The following SAMD12 variants were observed in gnomAD, a reference collection of about 807,000 sequenced individuals.
The protein encoded by SAMD12 is sterile alpha motif domain containing 12, also known as sterile alpha motif domain-containing protein 12.
Under a neutral mutation model 15.0 loss-of-function variants are expected in SAMD12, and 9 were observed. The ratio of observed to expected loss-of-function variants is 0.60; its 90% CI spans 0.36 to 1.05. The LOEUF is 1.05. SAMD12 is among the 50% of genes least tolerant of loss of function. SAMD12 has a pLI of 0.01. For synonymous variants in SAMD12, 86 were observed against 90.1 expected (o/e 0.96, Z 0.25); for missense variants, 230 against 234.2 (o/e 0.98, Z 0.12).
chr8:118,280,749 CTG>C (rs1813606193), intron 4 of SAMD12, among the ~76,000 whole-genome samples: 1 of 152,182 alleles, frequency 6.6e-6, no homozygotes. Flanking sequence ...CATTAGGCAA[CTG>C]AGACTTTTCT....
downstream of SAMD12, among the ~76,000 whole-genome samples, chr8:118,187,970 A>G (rs1419275321): frequency 1.3e-5 from 2 of 151,988 alleles, no homozygotes; most frequent in East Asian, 3.9e-4. Context: ...GTGCCAAGAG[A>G]TGGGGATACA....
At chr8:118,252,316 G>A (rs1178350015) in intron 4 of SAMD12, among the ~76,000 whole-genome samples, 1 of 152,146 alleles carries the variant, frequency 6.6e-6, no homozygotes. Flanking sequence ...ATGGAGACAG[G>A]GATGCTCATG....
chr8:118,147,899 GA>G, the SAMD12 span, among the ~76,000 whole-genome samples: 30 of 132,464 alleles, frequency 2.3e-4, 1 homozygote, highest in African/African-American at 7.2e-4. Flanking sequence ...ACTCCTTGCT[GA>G]ATTTTTTTTT....
At chr8:118,256,761 T>TA (rs1199717258) in intron 4 of SAMD12, among the ~76,000 whole-genome samples, 1 of 147,364 alleles carries the variant, frequency 6.8e-6, no homozygotes, top group Non-Finnish European at 1.5e-5. Context: ...CTTCTTAATG[T>TA]AATATATCTG....
At chr8:118,267,159 A>T (rs1318509913) in intron 4 of SAMD12, among the ~76,000 whole-genome samples, 1 of 152,126 alleles carries the variant, frequency 6.6e-6, no homozygotes, top group Non-Finnish European at 1.5e-5. Flanking sequence ...ACCATAAAAC[A>T]TCATATAATG....
At chr8:118,210,820 A>G (rs1811796744) in intron 4 of SAMD12, among the ~76,000 whole-genome samples, 1 of 152,220 alleles carries the variant, frequency 6.6e-6, no homozygotes, top group African/African-American at 2.4e-5. Flanking sequence ...TACTTCTGAA[A>G]GAAGGCCTCA....
At chr8:118,533,141 T>C (rs536137195) in intron 2 of SAMD12, among the ~76,000 whole-genome samples, 267 of 152,370 alleles carry the variant, frequency 1.8e-3, no homozygotes, top group Non-Finnish European at 3.4e-3. Flanking sequence ...ATGTTGTGTC[T>C]TTGTTCTCGT....
At chr8:118,582,639 G>A (rs2131262401) in intron 1 of SAMD12, among the ~76,000 whole-genome samples, 1 of 152,228 alleles carries the variant, frequency 6.6e-6, no homozygotes, top group Admixed American at 6.5e-5. Flanking sequence ...GAAAAACTCT[G>A]AGACATAACT....
At chr8:118,158,318 A>G in the SAMD12 span, among the ~76,000 whole-genome samples, 1 of 152,234 alleles carries the variant, frequency 6.6e-6, no homozygotes, top group Non-Finnish European at 1.5e-5. Flanking sequence ...CAAGAACAGA[A>G]AATAGTACTG....
At chr8:118,250,940 A>G (rs76059128) in intron 4 of SAMD12, among the ~76,000 whole-genome samples, 1 of 152,100 alleles carries the variant, frequency 6.6e-6, no homozygotes, top group South Asian at 2.1e-4. Context: ...CTAAATAGTT[A>G]CCTTGTCCTA....
intron 4 of SAMD12, among the ~76,000 whole-genome samples, chr8:118,277,919 A>T (rs1255043604): frequency 4.6e-5 from 7 of 152,160 alleles, no homozygotes; most frequent in Non-Finnish European, 8.8e-5. Flanking sequence ...TTACTCTTTC[A>T]TGGTAATTTC....
chr8:118,205,263 T>C (rs1233088991), intron 4 of SAMD12, among the ~76,000 whole-genome samples: 3 of 152,262 alleles, frequency 2.0e-5, no homozygotes. Context: ...CAATTCCTTA[T>C]AATACATCTC....
intron 4 of SAMD12, among the ~76,000 whole-genome samples, chr8:118,303,288 G>A (rs1050230628): frequency 6.6e-6 from 1 of 152,150 alleles, no homozygotes; most frequent in African/African-American, 2.4e-5. Context: ...AAGCTGTGGA[G>A]TCTTCAAATG....
intron 4 of SAMD12, among the ~76,000 whole-genome samples, chr8:118,369,672 G>A (rs963290142): frequency 2.0e-5 from 3 of 151,864 alleles, no homozygotes; most frequent in African/African-American, 4.8e-5. Context: ...CTGGGATCAC[G>A]CCATTATACT....
intron 4 of SAMD12, among the ~76,000 whole-genome samples, chr8:118,227,898 T>C (rs1435049315): frequency 2.0e-5 from 3 of 152,112 alleles, no homozygotes; most frequent in Non-Finnish European, 4.4e-5. Context: ...TACAAGGCCA[T>C]TGTCACCAAA....
At chr8:118,459,017 G>A (rs372700059) in intron 2 of SAMD12, among the ~76,000 whole-genome samples, 9 of 150,814 alleles carry the variant, frequency 6.0e-5, no homozygotes, top group South Asian at 2.1e-4. Flanking sequence ...TTTTTACAAC[G>A]TTAATATATT....
intron 4 of SAMD12, chr8:118,282,398 G>C: frequency 2.2e-6 from 1 of 455,558 alleles, no homozygotes; most frequent in Non-Finnish European, 4.4e-6. Flanking sequence ...CTAAGCTCCA[G>C]CACCTGCCTA....
rs144853584 is a variant in SAMD12, at chr8:118,276,369, C to T, written c.434-78637G>A. 6.5e-3 allele frequency among the ~76,000 whole-genome samples: 984 copies of T among 152,278 alleles called. 12 individuals are homozygous for T. The highest frequency in any genetic ancestry group is 0.022 in the African/African-American group (934 of 41,540). On this transcript the variant is annotated intron_variant, in intron 4 of 4. Coordinates refer to the SAMD12 transcript ENST00000409003. ...ACTTTGAAGAAAACGCAGTACACTTCTTTTTCTCTAGTATACTACTTGTTG... is the reference window on the plus strand; with the variant it reads ...ACTTTGAAGAAAACGCAGTACACTTTTTTTTCTCTAGTATACTACTTGTTG...
At chr8:118,593,667 T>G (rs2131284170) in intron 1 of SAMD12, among the ~76,000 whole-genome samples, 1 of 152,338 alleles carries the variant, frequency 6.6e-6, no homozygotes, top group Non-Finnish European at 1.5e-5. Context: ...ATCAGTGTCC[T>G]TTAACACTGG....
Sources: allele counts gnomAD v4.1 joint callset (sites outside exome capture counted in the v4.1 genomes callset), GRCh38; gene constraint gnomAD v4.1.1; transcripts MANE v1.5; gene names NCBI Gene and HGNC (gene_info 2026-07-23, HGNC 2026-07-21).